SLC24A2: variants seen among roughly 807,000 people sequenced by gnomAD.
SLC24A2 encodes the protein sodium/potassium/calcium exchanger 2.
A neutral mutation model predicts 62.0 loss-of-function variants in SLC24A2; 36 were observed. The observed-to-expected ratio is 0.58, with a 90% CI of 0.44 to 0.77. SLC24A2 has a LOEUF of 0.77. Ranked by LOEUF, SLC24A2 falls within the 30% of genes least tolerant of loss-of-function variation. The pLI is 0.00. For missense variants in SLC24A2, 846 were observed against 817.9 expected (o/e 1.03, Z -0.42); for synonymous variants, 358 against 294.0 (o/e 1.22, Z -2.23).
chr9:19,982,808 G>A, the SLC24A2 span, among the ~76,000 whole-genome samples: 2 of 152,142 alleles, frequency 1.3e-5, no homozygotes, highest in African/African-American at 4.8e-5. Context: ...CTGAGAACAT[G>A]TAAAAGGCTT....
At chr9:19,939,439 T>C in the SLC24A2 span, among the ~76,000 whole-genome samples, 2 of 152,162 alleles carry the variant, frequency 1.3e-5, no homozygotes, top group Admixed American at 1.3e-4. Context: ...TCTAAACATA[T>C]TTAAACATAG....
the SLC24A2 span, among the ~76,000 whole-genome samples, chr9:20,141,343 G>A: frequency 6.6e-6 from 1 of 152,008 alleles, no homozygotes; most frequent in African/African-American, 2.4e-5. Context: ...TGATCCTGCA[G>A]TTAGCCCCCC....
At chr9:19,879,197 T>G in the SLC24A2 span, among the ~76,000 whole-genome samples, 3 of 152,274 alleles carry the variant, frequency 2.0e-5, no homozygotes, top group Non-Finnish European at 4.4e-5. Flanking sequence ...AGGCTGCTAC[T>G]TGCAAAGAGC....
chr9:19,765,392 C>T (rs957925418), intron 2 of SLC24A2, among the ~76,000 whole-genome samples: 6 of 152,080 alleles, frequency 3.9e-5, no homozygotes, highest in African/African-American at 1.4e-4. Context: ...TTCATAGTGC[C>T]GATGGTCTTT....
chr9:20,120,480 A>C, the SLC24A2 span, among the ~76,000 whole-genome samples: 1 of 152,186 alleles, frequency 6.6e-6, no homozygotes, highest in African/African-American at 2.4e-5. Context: ...ACTTGTTCTC[A>C]TAAGTGAGAG....
At chr9:20,270,682 T>G in the SLC24A2 span, among the ~76,000 whole-genome samples, 1 of 152,194 alleles carries the variant, frequency 6.6e-6, no homozygotes, top group Non-Finnish European at 1.5e-5. Context: ...CAACAAATAT[T>G]TATTGAGTGC....
rs1836793688 is a variant in SLC24A2, at chr9:19,599,696, A to G, written c.1079-2417T>C. Among the ~76,000 whole-genome samples, 1 of 152,104 alleles carries G rather than the reference A, an allele frequency of 6.6e-6. No individual in the cohort carries two copies. Among genetic ancestry groups the G allele is most frequent in the Non-Finnish European group, 1.5e-5 (1 of 68,024 alleles). On this transcript the variant is annotated intron_variant, in intron 4 of 10. Transcript: ENST00000341998. This position sits in a 1 kb window ranked among gnomAD's most constrained non-coding sequence, Gnocchi z 4.5. ...GGACTCAGGAGGTGCAGAAAGAGAAATGACATGCGACTAGGACAAAAAGCA... is the reference window on the plus strand; with the variant it reads ...GGACTCAGGAGGTGCAGAAAGAGAAGTGACATGCGACTAGGACAAAAAGCA...
the SLC24A2 span, among the ~76,000 whole-genome samples, chr9:19,826,269 T>A: frequency 1.3e-5 from 2 of 150,964 alleles, no homozygotes; most frequent in Non-Finnish European, 2.9e-5. Flanking sequence ...CTGGATACAG[T>A]AGGGGAGTTA....
At chr9:19,940,719 G>C in the SLC24A2 span, among the ~76,000 whole-genome samples, 1 of 152,198 alleles carries the variant, frequency 6.6e-6, no homozygotes, top group Non-Finnish European at 1.5e-5. Flanking sequence ...AAGGTGAGAA[G>C]TTACAAAAAG....
the SLC24A2 span, among the ~76,000 whole-genome samples, chr9:20,185,652 G>A: frequency 6.4e-5 from 9 of 141,728 alleles, no homozygotes; most frequent in South Asian, 4.4e-4. Flanking sequence ...GAGACAGAGC[G>A]AGACTCCATC....
At chr9:20,019,690 G>C in the SLC24A2 span, among the ~76,000 whole-genome samples, 4 of 152,254 alleles carry the variant, frequency 2.6e-5, no homozygotes, top group South Asian at 8.3e-4. Context: ...AACACCGAAA[G>C]AAATGGCAAC....
chr9:20,294,793 G>T, the SLC24A2 span, among the ~76,000 whole-genome samples: 1 of 152,040 alleles, frequency 6.6e-6, no homozygotes, highest in Non-Finnish European at 1.5e-5. Context: ...GTGCACGTTG[G>T]TGACAGAAGC....
intron 7 of SLC24A2, among the ~76,000 whole-genome samples, chr9:19,570,185 C>A (rs1024321577): frequency 6.6e-6 from 1 of 152,242 alleles, no homozygotes; most frequent in East Asian, 1.9e-4. Flanking sequence ...AGCCAACTTA[C>A]CTTTTCTAGT....
intron 4 of SLC24A2, among the ~76,000 whole-genome samples, chr9:19,604,660 G>T (rs190137147): frequency 6.6e-5 from 10 of 152,148 alleles, no homozygotes; most frequent in Non-Finnish European, 1.5e-5. Flanking sequence ...AAAAACTCCA[G>T]CCATCCAAGA....
chr9:20,191,406 C>T, the SLC24A2 span, among the ~76,000 whole-genome samples: 1 of 152,044 alleles, frequency 6.6e-6, no homozygotes, highest in East Asian at 1.9e-4. Flanking sequence ...CCTTCCCGTG[C>T]CAGCATGATT....
the SLC24A2 span, among the ~76,000 whole-genome samples, chr9:19,871,290 T>C: frequency 1.3e-5 from 2 of 152,196 alleles, no homozygotes; most frequent in Admixed American, 6.5e-5. Flanking sequence ...GCTTTCAAGA[T>C]TTTTTCGTCT....
chr9:19,895,689 A>G, the SLC24A2 span: 5 of 912,506 alleles, frequency 5.5e-6, no homozygotes, highest in African/African-American at 1.7e-5. Context: ...TTCACATTGC[A>G]CTGTTCATTG....
chr9:20,021,309 T>G, the SLC24A2 span, among the ~76,000 whole-genome samples: 1 of 151,996 alleles, frequency 6.6e-6, no homozygotes, highest in Non-Finnish European at 1.5e-5. Flanking sequence ...TTTTTCCTTC[T>G]TTATATATTA....
chr9:19,716,840 T>C (rs1013350), intron 2 of SLC24A2, among the ~76,000 whole-genome samples: 28,902 of 152,240 alleles, frequency 0.19, 2,858 homozygotes, highest in Non-Finnish European at 0.22. Context: ...CATATCTGAA[T>C]GCTTTCAGTC....
Sources: gnomAD v4.1 joint callset for allele counts (sites outside exome capture counted in the v4.1 genomes callset) on GRCh38, gnomAD v4.1.1 for gene constraint, Gnocchi (gnomAD v3.1) non-coding constraint, MANE v1.5 for transcripts, NCBI Gene and HGNC (gene_info 2026-07-23, HGNC 2026-07-21) for gene names.